Variants in PSMA2 observed in about 807,000 individuals in gnomAD.
The protein encoded by PSMA2 is proteasome 20S subunit alpha 2.
PSMA2 carries 2 observed loss-of-function variants against 35.9 expected under a neutral mutation model. The observed-to-expected ratio is 0.06, with a 90% confidence interval of 0.02 to 0.18. The LOEUF (loss-of-function observed/expected upper bound fraction) is 0.18, where lower values mean the gene tolerates loss of function less well. Among genes scored for constraint, PSMA2 ranks in the 10% least tolerant of loss-of-function variants. The pLI is 1.00. For synonymous variants in PSMA2, 97 were observed against 98.2 expected (o/e 0.99, Z 0.07); for missense variants, 126 against 278.8 (o/e 0.45, Z 3.90).
At chr7:42,919,954 T>C in intron 6 of PSMA2, 1 of 750,280 alleles carries the variant, frequency 1.3e-6, no homozygotes, top group African/African-American at 1.7e-5. Flanking sequence ...CCTTTGGAAA[T>C]GTGTGCTTCC....
At chr7:42,927,493 TATC>T (rs1562702744) in intron 1 of PSMA2, 34 bp from the exon 2 acceptor site, 2 of 1,561,536 alleles carry the variant, frequency 1.3e-6, no homozygotes, top group Non-Finnish European at 1.8e-6. Flanking sequence ...TAAGTTCACA[TATC>T]ATCAAATATT....
At chr7:42,919,879 T>G (rs1786099088) in intron 6 of PSMA2, 1 of 752,930 alleles carries the variant, frequency 1.3e-6, no homozygotes, top group Non-Finnish European at 2.5e-6. Context: ...GATGGAGAAC[T>G]CTATGCCAGT....
chr7:42,925,626 T>G (rs1208965419), intron 3 of PSMA2, among the ~76,000 whole-genome samples: 2 of 152,200 alleles, frequency 1.3e-5, no homozygotes, highest in Non-Finnish European at 2.9e-5. Flanking sequence ...CAAAAGAGAT[T>G]AAGAAGATAT....
Position 42,924,010 on chromosome 7 carries a change from C to T in PSMA2, c.375-604G>A, listed in dbSNP as rs115704826. Among the ~76,000 whole-genome samples the T allele has an allele frequency of 6.7e-3, 1,013 of 152,196 alleles. 10 individuals carry two copies. Among genetic ancestry groups the T allele is most frequent in the African/African-American group, 0.023 (969 of 41,486 alleles). On this transcript the variant is annotated intron_variant, in intron 4 of 7. Transcript: ENST00000223321. ...TGGGGAATGAAAAGAAATATGAATA[C>T]GTCCAAGAGCTGCTTTCATCATGTG...
intron 6 of PSMA2, chr7:42,919,843 C>A: frequency 1.3e-6 from 1 of 743,552 alleles, no homozygotes; most frequent in Admixed American, 1.7e-5. Flanking sequence ...CACTCTGGTC[C>A]TATTCACTGT....
chr7:42,922,118 G>T (rs937899150), intron 5 of PSMA2, among the ~76,000 whole-genome samples, 187 bp from the exon 6 acceptor site: 2 of 152,078 alleles, frequency 1.3e-5, no homozygotes, highest in African/African-American at 4.8e-5. Flanking sequence ...AACCAAAAAG[G>T]CATGAAGAAA....
Position 42,921,960 on chromosome 7 carries a change from A to G in PSMA2, c.457-29T>C, listed in dbSNP as rs139344818. 1.3e-4 allele frequency: 201 copies of G among 1,559,252 alleles called. 1 individual carries two copies. In the East Asian group the frequency reaches 3.7e-3, roughly 29 times the overall value. On this transcript the variant is annotated intron_variant, in intron 5 of 7. Transcript: ENST00000223321. The stretch of plus-strand genomic sequence containing the variant: ...ATCAGGAAAGAAAGAGTAAAAAACC[A>G]TATTTTAAAACACAAATACAATTAT...
chr7:42,925,179 AG>A (rs1786189306), intron 3 of PSMA2, among the ~76,000 whole-genome samples: 2 of 152,308 alleles, frequency 1.3e-5, no homozygotes, highest in Non-Finnish European at 2.9e-5. Flanking sequence ...TTCTCACTTC[AG>A]GTCACTACTT....
rs545214101 is a variant in PSMA2, at chr7:42,932,012, T to C, written c.41+106A>G. 7 of 1,437,026 alleles carry C rather than the reference T, an allele frequency of 4.9e-6. No homozygotes were observed. In the East Asian group the frequency reaches 1.4e-4, roughly 28 times the overall value. 89.0% of individuals were successfully genotyped at this position (1,437,026 alleles called of 1,614,324 possible). On this transcript the variant is annotated intron_variant, in intron 1 of 7. Coordinates refer to ENST00000223321, the MANE Select transcript of PSMA2 (RefSeq NM_002787.5). ...CCGCATTTCCAACTCCATTCCCTAC[T>C]GGACCCTCCAGAAGCACCAATGCCG...
At chr7:42,927,562 C>T in intron 1 of PSMA2, 103 bp from the exon 2 acceptor site, 4 of 1,138,236 alleles carry the variant, frequency 3.5e-6, no homozygotes, top group Non-Finnish European at 5.2e-6. Flanking sequence ...CCAATTTATC[C>T]AACTCCAGGG....
chr7:42,924,353 CAAAAAAAAAAAAA>C lies in PSMA2; in HGVS notation c.374+309_374+321del, dbSNP rs58198756. 3.3e-4 allele frequency among the ~76,000 whole-genome samples: 23 copies of C among 69,422 alleles called. No homozygotes were observed. In the East Asian group the frequency reaches 6.4e-3, roughly 19 times the overall value. The allele number at this position is 69,422 out of a possible 152,430, so 45.5% of individuals were successfully genotyped here. On this transcript the variant is annotated intron_variant, in intron 4 of 7. Transcript: ENST00000223321. ...TGGGCGACAGAGTGAGACTCTGACT[CAAAAAAAAAAAAA>C]AAAAAAAAAAAAAGAAAAATTTAAA...
At chr7:42,922,984 C>T (rs1488355827) in intron 5 of PSMA2, among the ~76,000 whole-genome samples, 2 of 152,180 alleles carry the variant, frequency 1.3e-5, no homozygotes, top group Non-Finnish European at 2.9e-5. Flanking sequence ...CAACTGATGG[C>T]AAACACTACA....
chr7:42,929,004 G>A (rs752256235), intron 1 of PSMA2, among the ~76,000 whole-genome samples: 25 of 151,630 alleles, frequency 1.6e-4, no homozygotes, highest in Non-Finnish European at 3.1e-4. Context: ...TAGTAACAGG[G>A]TCTTGCTATG....
intron 1 of PSMA2, among the ~76,000 whole-genome samples, chr7:42,931,829 T>C (rs552933703): frequency 5.4e-4 from 82 of 152,228 alleles, no homozygotes; most frequent in African/African-American, 1.8e-3. Context: ...TGCCTTCTTT[T>C]CTGGTCTCCA....
intron 6 of PSMA2, chr7:42,918,385 T>A (rs572060874): frequency 6.6e-6 from 1 of 152,326 alleles, no homozygotes; most frequent in South Asian, 2.1e-4. Context: ...GTGGCATTAT[T>A]ATAATTTTTA....
At chr7:42,919,546 C>A in intron 6 of PSMA2, 1 of 516,720 alleles carries the variant, frequency 1.9e-6, no homozygotes. Context: ...ACTGTTAAGA[C>A]TTTGGGATCA....
At chr7:42,919,083 C>A in intron 6 of PSMA2, 1 of 330,812 alleles carries the variant, frequency 3.0e-6, no homozygotes, top group Non-Finnish European at 5.9e-6. Context: ...CTTGGCCTCC[C>A]AAAGTGCTGG....
intron 3 of PSMA2, 66 bp from the exon 4 acceptor site, chr7:42,924,863 T>G: frequency 1.3e-6 from 2 of 1,488,096 alleles, no homozygotes; most frequent in Non-Finnish European, 1.8e-6. Context: ...CTCATTCTCC[T>G]TTTACAGGCA....
intron 1 of PSMA2, chr7:42,931,216 C>A (rs1397840947): frequency 4.6e-6 from 2 of 434,532 alleles, no homozygotes; most frequent in South Asian, 1.6e-5. Flanking sequence ...TAAGTTGCAC[C>A]TAACAAAGTA....
Sources: gnomAD v4.1 joint callset for allele counts (sites outside exome capture counted in the v4.1 genomes callset) on GRCh38, gnomAD v4.1.1 for gene constraint, MANE v1.5 for transcripts, NCBI Gene and HGNC (gene_info 2026-07-23, HGNC 2026-07-21) for gene names.